The following ZNF215 variants were observed in gnomAD, a reference collection of about 807,000 sequenced individuals.
ZNF215 encodes the protein BWSCR2-associated zinc finger protein 2.
A neutral mutation model predicts 27.2 loss-of-function variants in ZNF215; 24 were observed. The ratio of observed to expected loss-of-function variants is 0.88; its 90% CI spans 0.64 to 1.24. ZNF215 has a LOEUF of 1.24. Ranked by LOEUF, ZNF215 falls within the 50% of genes most tolerant of loss-of-function variation. The probability of loss-of-function intolerance (pLI) is 0.00; values close to 1 mark genes in which losing one functional copy is unlikely to be tolerated. For synonymous variants in ZNF215, 210 were observed against 204.0 expected (o/e 1.03, Z -0.25); for missense variants, 675 against 605.7 (o/e 1.11, Z -1.20).
intron 5 of ZNF215, among the ~76,000 whole-genome samples, chr11:6,973,393 A>G (rs545062020): frequency 6.6e-6 from 1 of 152,036 alleles, no homozygotes; most frequent in East Asian, 1.9e-4. Context: ...ATGATTTATA[A>G]TCCTTTGGGT....
intron 5 of ZNF215, among the ~76,000 whole-genome samples, chr11:6,978,466 G>A (rs996895021): frequency 3.3e-5 from 5 of 151,972 alleles, no homozygotes; most frequent in East Asian, 3.9e-4. Flanking sequence ...TTTAGGAGCC[G>A]AGTTGAAAAC....
At chr11:6,950,541 A>G (rs375332129) in intron 6 of ZNF215, among the ~76,000 whole-genome samples, 2 of 151,264 alleles carry the variant, frequency 1.3e-5, no homozygotes, top group Non-Finnish European at 3.0e-5. Flanking sequence ...TTTGTCTGTT[A>G]TTGGTGTATA....
chr11:6,955,653 T>A (rs773939643), intron 6 of ZNF215, 37 bp from the exon 7 acceptor site: 1 of 1,522,158 alleles, frequency 6.6e-7, no homozygotes, highest in Admixed American at 2.3e-5. Context: ...TGAAGCAGTT[T>A]CCCTTCTAGT....
At chr11:6,990,757 C>T (rs1179817934), downstream of ZNF215, among the ~76,000 whole-genome samples, 4 of 152,232 alleles carry the variant, frequency 2.6e-5, no homozygotes, top group South Asian at 2.1e-4. Context: ...CACACACACA[C>T]GCGCACATGT....
chr11:6,988,358 T>C (rs1851082129), downstream of ZNF215: 5 of 680,208 alleles, frequency 7.4e-6, no homozygotes, highest in Non-Finnish European at 9.1e-6. Flanking sequence ...TAGAGTAGGA[T>C]GAACATCAGA....
chr11:6,937,395 T>C (rs1299451757), intron 3 of ZNF215, among the ~76,000 whole-genome samples: 3 of 151,692 alleles, frequency 2.0e-5, no homozygotes, highest in African/African-American at 7.3e-5. Flanking sequence ...AAATCCTGCG[T>C]TCATGTATTG....
chr11:6,986,915 G>A (rs940352054), downstream of ZNF215, among the ~76,000 whole-genome samples: 1 of 152,108 alleles, frequency 6.6e-6, no homozygotes, highest in Non-Finnish European at 1.5e-5. Context: ...AGAGAAAAGG[G>A]AATACTTATA....
At chr11:6,947,536 C>A (rs1849862178) in intron 6 of ZNF215, among the ~76,000 whole-genome samples, 1 of 151,912 alleles carries the variant, frequency 6.6e-6, no homozygotes, top group Non-Finnish European at 1.5e-5. Context: ...AAGACCCTGT[C>A]TCTAAAATAA....
chr11:6,949,253 G>C (rs1313421446), intron 6 of ZNF215, among the ~76,000 whole-genome samples: 2 of 152,040 alleles, frequency 1.3e-5, no homozygotes, highest in South Asian at 2.1e-4. Context: ...TAATCCTTTG[G>C]GTATATTCCC....
chr11:6,934,728 A>G (rs1180433640), intron 3 of ZNF215, among the ~76,000 whole-genome samples: 2 of 152,188 alleles, frequency 1.3e-5, no homozygotes, highest in Admixed American at 1.3e-4. Context: ...TCACCTGAAT[A>G]ATTCAGGATG....
chr11:6,944,011 C>T lies in ZNF215; in HGVS notation c.712+370C>T, dbSNP rs550339438. On this transcript the variant is annotated intron_variant, in intron 6 of 6. Coordinates refer to ENST00000278319, the MANE Select transcript of ZNF215 (RefSeq NM_013250.4). ...CATGGTATGGCTGGGCGTGGTGGCT[C>T]ACGCCTGTAATCCCAGCACTTTGGA... 2.8e-3 allele frequency among the ~76,000 whole-genome samples: 425 copies of T among 152,290 alleles called. 4 individuals are homozygous for T. Among genetic ancestry groups the T allele is most frequent in the African/African-American group, 9.6e-3 (398 of 41,554 alleles).
chr11:6,937,881 A>C (rs1165402733), intron 3 of ZNF215, among the ~76,000 whole-genome samples: 2 of 152,010 alleles, frequency 1.3e-5, no homozygotes, highest in Non-Finnish European at 1.5e-5. Context: ...TATAAGAGCC[A>C]AAATCATAAA....
chr11:6,990,199 T>C (rs113847751), downstream of ZNF215, among the ~76,000 whole-genome samples: 224 of 152,312 alleles, frequency 1.5e-3, 1 homozygote, highest in African/African-American at 5.1e-3. Flanking sequence ...GGTCTCCATG[T>C]GTATCAGGCA....
chr11:6,978,157 A>G (rs1477596001), intron 5 of ZNF215, among the ~76,000 whole-genome samples: 2 of 152,050 alleles, frequency 1.3e-5, no homozygotes, highest in Non-Finnish European at 2.9e-5. Flanking sequence ...CAGTTAGTGA[A>G]CCCAAGTGTT....
intron 6 of ZNF215, among the ~76,000 whole-genome samples, chr11:6,950,207 G>C (rs796710928): frequency 8.1e-6 from 1 of 124,042 alleles, no homozygotes; most frequent in African/African-American, 2.9e-5. Context: ...GATTGACTTG[G>C]CGATGGGGCT....
At chr11:6,947,281 G>A (rs962603873) in intron 6 of ZNF215, among the ~76,000 whole-genome samples, 2 of 152,172 alleles carry the variant, frequency 1.3e-5, no homozygotes, top group Non-Finnish European at 2.9e-5. Flanking sequence ...GATTAAAGAT[G>A]ACCACAAAAT....
In ZNF215 at chr11:6,980,058, C is replaced by T. The variant is rs184177538; in HGVS notation, c.806-4071C>T. 2.0e-5 allele frequency among the ~76,000 whole-genome samples: 3 copies of T among 152,182 alleles called. No homozygotes were observed. In the East Asian group the frequency reaches 5.8e-4, roughly 29 times the overall value. ...TTTAAACGCTAAAAATGAGGTTCAG[C>T]CCAATGATCGGTGGTTCAGGATCAT... On this transcript the variant is annotated intron_variant, in intron 5 of 5. Coordinates refer to the ZNF215 transcript ENST00000529903.
At chr11:6,979,018 C>T (rs144728615) in intron 5 of ZNF215, among the ~76,000 whole-genome samples, 562 of 152,060 alleles carry the variant, frequency 3.7e-3, no homozygotes, top group Non-Finnish European at 5.2e-3. Context: ...ATAAAATTAC[C>T]GTGTCCCCCA....
At chr11:6,933,663 C>G (rs191369316) in intron 3 of ZNF215, among the ~76,000 whole-genome samples, 1 of 151,712 alleles carries the variant, frequency 6.6e-6, no homozygotes, top group Non-Finnish European at 1.5e-5. Flanking sequence ...TGGTGGTGGG[C>G]GGGCACCTGT....
Sources: allele counts gnomAD v4.1 joint callset (sites outside exome capture counted in the v4.1 genomes callset), GRCh38; gene constraint gnomAD v4.1.1; transcripts MANE v1.5; gene names NCBI Gene and HGNC (gene_info 2026-07-23, HGNC 2026-07-21).